The following KDM6A variants were observed in gnomAD, a reference collection of about 807,000 sequenced individuals.
KDM6A encodes lysine demethylase 6A, also known as lysine-specific demethylase 6A.
KDM6A carries 11 observed loss-of-function variants against 117.6 expected under a neutral mutation model. The ratio of observed to expected loss-of-function variants is 0.09; its 90% confidence interval spans 0.06 to 0.15. KDM6A has a LOEUF of 0.15. KDM6A is among the 10% of genes least tolerant of loss of function. The pLI is 1.00. For synonymous variants in KDM6A, 384 were observed against 396.1 expected, an observed-to-expected ratio of 0.97 and a Z score of 0.36; for missense variants, 799 against 1,077.3, an observed-to-expected ratio of 0.74 and a Z score of 3.62.
rs1034301983 is a variant in KDM6A, at chrX:45,068,649, T to C, written c.2080-930T>C. Among the ~76,000 whole-genome samples the C allele has an allele frequency of 2.8e-5, 3 of 106,652 alleles. No individual in the cohort carries two copies. The East Asian group carries it at 8.8e-4, about 31-fold the overall frequency. The allele number at this position is 106,652 out of a possible 115,157, so 92.6% of individuals were successfully genotyped here. ...GGCACCATCTTAGCTCACTGCTGGC[T>C]CAAACTCCTGGGCTCAAGAGATCCT... On this transcript the variant is annotated intron_variant, in intron 17 of 29. Transcript: ENST00000611820.
At chrX:45,078,809 T>G (rs1312520682) in intron 20 of KDM6A, among the ~76,000 whole-genome samples, 1 of 110,883 alleles carries the variant, frequency 9.0e-6, no homozygotes, top group East Asian at 2.8e-4. Flanking sequence ...AAAATTTGAT[T>G]ATAAAATGTA....
At chrX:44,915,373 T>C (rs1192794006) in intron 2 of KDM6A, among the ~76,000 whole-genome samples, 1 of 112,064 alleles carries the variant, frequency 8.9e-6, no homozygotes, top group Non-Finnish European at 1.9e-5. Context: ...CCCAATTTAT[T>C]GCTTGTGTTC....
At chrX:45,045,944 G>GT (rs1224553515) in intron 8 of KDM6A, among the ~76,000 whole-genome samples, 1 of 111,662 alleles carries the variant, frequency 9.0e-6, no homozygotes, top group Non-Finnish European at 1.9e-5. Flanking sequence ...CAGTCATACT[G>GT]TTTTTCCTTT....
At chrX:44,921,975 T>A (rs1179364224) in intron 2 of KDM6A, among the ~76,000 whole-genome samples, 1 of 105,908 alleles carries the variant, frequency 9.4e-6, no homozygotes, top group African/African-American at 3.4e-5. Flanking sequence ...TCACCGTTTT[T>A]TTAATTTTAG....
chrX:45,002,527 T>C (rs2041192820), intron 4 of KDM6A, among the ~76,000 whole-genome samples: 1 of 112,312 alleles, frequency 8.9e-6, no homozygotes, highest in Non-Finnish European at 1.9e-5. Flanking sequence ...TATATTTCTT[T>C]AACCTTTTAA....
In KDM6A at chrX:45,071,589, G is replaced by T. The variant is rs188267800; in HGVS notation, c.2858+1232G>T. Among the ~76,000 whole-genome samples the T allele has an allele frequency of 3.2e-4, 36 of 111,323 alleles. No individual in the cohort carries two copies. The East Asian group carries it at 7.6e-3, about 23-fold the overall frequency. On this transcript the variant is annotated intron_variant, in intron 18 of 29. Transcript: ENST00000611820. Reference sequence around the variant, plus strand: ...GTTTGCTGCTTGGGAGGGATGTGGGGTAGGAGCAATGGAGTATGGAGAAGA... The same window carrying T: ...GTTTGCTGCTTGGGAGGGATGTGGGTTAGGAGCAATGGAGTATGGAGAAGA...
chrX:44,997,781 G>A (rs916477354), intron 4 of KDM6A, among the ~76,000 whole-genome samples: 2 of 112,405 alleles, frequency 1.8e-5, no homozygotes, highest in African/African-American at 6.5e-5. Context: ...ACTTCTGGAA[G>A]GAAGAGGTGA....
At chrX:45,069,556 A>G (rs868266205) in intron 17 of KDM6A, 23 bp from the exon 18 acceptor site, 7 of 1,190,257 alleles carry the variant, frequency 5.9e-6, no homozygotes, top group Middle Eastern at 2.3e-4. Flanking sequence ...TATTAGATTT[A>G]AACTATTTTT....
chrX:44,978,526 G>T (rs2039729108), intron 4 of KDM6A, among the ~76,000 whole-genome samples: 1 of 112,058 alleles, frequency 8.9e-6, no homozygotes. Flanking sequence ...TTGGTGGCTT[G>T]TTTTTCCAAA....
At chrX:45,027,925 C>G (rs376391974) in intron 6 of KDM6A, among the ~76,000 whole-genome samples, 6 of 110,203 alleles carry the variant, frequency 5.4e-5, no homozygotes, top group Admixed American at 3.9e-4. Context: ...TCCCGAGTAG[C>G]TGGGATTACA....
At chrX:44,890,724 G>A (rs1204578365) in intron 2 of KDM6A, among the ~76,000 whole-genome samples, 1 of 90,407 alleles carries the variant, frequency 1.1e-5, no homozygotes, top group Non-Finnish European at 2.1e-5. Context: ...GCGCGATCTC[G>A]GCTCACTGCA....
intron 4 of KDM6A, among the ~76,000 whole-genome samples, chrX:44,983,229 T>G (rs1002805736): frequency 9.0e-6 from 1 of 111,562 alleles, no homozygotes; most frequent in African/African-American, 3.3e-5. Context: ...TCCCGGTGAT[T>G]AAGGAAGCCC....
rs994881549 is a variant in KDM6A, at chrX:44,873,516, G to T, written c.-36G>T. ...ACTGCGGGCCCCGGTCCGAGGGGGGGTGTCGGCGTTGGAGTTGTGAATTCG... is the reference window on the plus strand; with the variant it reads ...ACTGCGGGCCCCGGTCCGAGGGGGGTTGTCGGCGTTGGAGTTGTGAATTCG... On this transcript the variant is annotated 5_prime_UTR_variant, in exon 1 of 30. Coordinates refer to ENST00000611820, the MANE Select transcript of KDM6A (RefSeq NM_001291415.2). 1 of 1,208,909 alleles carries T rather than the reference G, an allele frequency of 8.3e-7. No individual in the cohort carries two copies. The highest frequency in any genetic ancestry group is 1.1e-6 in the Non-Finnish European group (1 of 894,606).
chrX:45,002,751 C>G (rs2041205362), intron 4 of KDM6A, among the ~76,000 whole-genome samples: 1 of 110,005 alleles, frequency 9.1e-6, no homozygotes, highest in Non-Finnish European at 1.9e-5. Context: ...TGACATACCT[C>G]AACTTTCTGA....
intron 2 of KDM6A, among the ~76,000 whole-genome samples, chrX:44,924,399 A>C (rs1344872407): frequency 1.8e-5 from 2 of 111,672 alleles, no homozygotes; most frequent in African/African-American, 6.5e-5. Flanking sequence ...CTGTTCTGGG[A>C]TGCAGTTAAA....
At chrX:45,058,353 G>A (rs992457610) in intron 10 of KDM6A, among the ~76,000 whole-genome samples, 13 of 109,622 alleles carry the variant, frequency 1.2e-4, no homozygotes, top group African/African-American at 4.3e-4. Context: ...CATGTCCATC[G>A]TGTATATTCA....
At chrX:45,016,453 TTATGTATGTATGTATG>T (rs35987184) in intron 5 of KDM6A, among the ~76,000 whole-genome samples, 61 of 98,735 alleles carry the variant, frequency 6.2e-4, no homozygotes, top group Middle Eastern at 5.2e-3. Context: ...TGATTTTATT[TTATGTATGTATGTATG>T]TATGTATGTA....
At chrX:45,044,911 A>G (rs2043458562) in intron 8 of KDM6A, among the ~76,000 whole-genome samples, 2 of 111,803 alleles carry the variant, frequency 1.8e-5, no homozygotes, top group Admixed American at 9.5e-5. Context: ...TGTGTATGTT[A>G]TTATACTATA....
intron 4 of KDM6A, among the ~76,000 whole-genome samples, chrX:44,976,037 TTAA>T (rs1417558131): frequency 8.9e-6 from 1 of 112,201 alleles, no homozygotes; most frequent in Non-Finnish European, 1.9e-5. Context: ...TTCCTTTTGC[TTAA>T]TAAATTTTGT....
Sources: gnomAD v4.1 joint callset for allele counts (sites outside exome capture counted in the v4.1 genomes callset) on GRCh38, gnomAD v4.1.1 for gene constraint, MANE v1.5 for transcripts, NCBI Gene and HGNC (gene_info 2026-07-23, HGNC 2026-07-21) for gene names.